The following SMC5 variants were observed in gnomAD, a reference collection of about 807,000 sequenced individuals.
SMC5 encodes structural maintenance of chromosomes 5, also known as structural maintenance of chromosomes protein 5.
A neutral mutation model predicts 148.3 loss-of-function variants in SMC5; 88 were observed. The observed-to-expected ratio is 0.59, with a 90% CI of 0.50 to 0.71. The LOEUF (loss-of-function observed/expected upper bound fraction) is 0.71, where lower values mean the gene tolerates loss of function less well. SMC5 is among the 30% of genes least tolerant of loss of function. The pLI is 0.00. For synonymous variants in SMC5, 421 were observed against 432.8 expected, an observed-to-expected ratio of 0.97 and a Z score of 0.34; for missense variants, 1,142 against 1,298.9, an observed-to-expected ratio of 0.88 and a Z score of 1.86.
intron 17 of SMC5, among the ~76,000 whole-genome samples, chr9:70,330,336 A>T (rs1313294948): frequency 6.6e-6 from 1 of 152,082 alleles, no homozygotes; most frequent in African/African-American, 2.4e-5. Context: ...ATGTCTCCAG[A>T]CATTTGCCCC....
intron 19 of SMC5, 51 bp from the exon 20 acceptor site, chr9:70,347,015 G>A (rs1192788524): frequency 7.4e-7 from 1 of 1,347,724 alleles, no homozygotes; most frequent in East Asian, 2.3e-5. Context: ...TTAACTATTT[G>A]AATGGAACTG....
intron 11 of SMC5, 128 bp downstream of exon 11, chr9:70,305,488 C>A: frequency 1.7e-6 from 1 of 585,744 alleles, no homozygotes; most frequent in South Asian, 2.3e-5. Flanking sequence ...CAAAATCACT[C>A]TGTTTTGCTA....
At position 70,294,690 on chromosome 9, in the gene SMC5, C is replaced by T. The variant is rs575186008; in HGVS notation, c.1054-3276C>T. On this transcript the variant is annotated intron_variant, in intron 8 of 24. Coordinates refer to ENST00000361138, the MANE Select transcript of SMC5 (RefSeq NM_015110.4). ...TTCAGAAGTGGTATGATTTGGGGGG[C>T]TTTATGATCTAGAACATAACCCTCC... 5.9e-5 allele frequency among the ~76,000 whole-genome samples: 9 copies of T among 152,168 alleles called. No homozygotes were observed. In the East Asian group the frequency reaches 1.5e-3, roughly 26 times the overall value.
chr9:70,297,841 G>A (rs1373470303), intron 8 of SMC5, 125 bp from the exon 9 acceptor site: 1 of 1,066,874 alleles, frequency 9.4e-7, no homozygotes, highest in East Asian at 2.4e-5. Flanking sequence ...ATTCTCACAG[G>A]ACACCTTTTA....
intron 3 of SMC5, among the ~76,000 whole-genome samples, chr9:70,270,938 T>C (rs1473333463): frequency 1.3e-5 from 2 of 152,104 alleles, no homozygotes; most frequent in Non-Finnish European, 2.9e-5. Flanking sequence ...TGAGCCACCA[T>C]ACCCGGCCTA....
intron 8 of SMC5, among the ~76,000 whole-genome samples, chr9:70,297,244 A>G (rs1461832968): frequency 1.3e-5 from 2 of 152,208 alleles, no homozygotes; most frequent in Non-Finnish European, 2.9e-5. Context: ...TTGTGTATGA[A>G]CCAAAGTTTG....
rs1440290664 is a variant in SMC5 at position 70,276,891 on chromosome 9, CAT to C, written c.381-416_381-415del. Among the ~76,000 whole-genome samples, 4 of 152,224 alleles carry C rather than the reference CAT, an allele frequency of 2.6e-5. No individual in the cohort carries two copies. The East Asian group carries it at 7.7e-4, about 29-fold the overall frequency. The stretch of plus-strand genomic sequence containing the variant: ...GAAATGCCACGAGTCAGTTTTCATT[CAT>C]ATGTTTTCTGAGCAGGGGGAGTTTC... On this transcript the variant is annotated intron_variant, in intron 3 of 24. Transcript: ENST00000361138.
At chr9:70,281,402 A>T (rs2034746387) in intron 6 of SMC5, among the ~76,000 whole-genome samples, 1 of 152,164 alleles carries the variant, frequency 6.6e-6, no homozygotes, top group African/African-American at 2.4e-5. Flanking sequence ...AATAATAATT[A>T]ACACAGTGCT....
At chr9:70,318,063 C>CT (rs1367872310) in intron 13 of SMC5, among the ~76,000 whole-genome samples, 2 of 151,922 alleles carry the variant, frequency 1.3e-5, no homozygotes, top group Non-Finnish European at 2.9e-5. Flanking sequence ...TATGGGCCGC[C>CT]TTTTTTGAAA....
chr9:70,302,893 C>T (rs900348088), intron 10 of SMC5, among the ~76,000 whole-genome samples: 1 of 152,082 alleles, frequency 6.6e-6, no homozygotes, highest in Non-Finnish European at 1.5e-5. Context: ...AGTTTATATA[C>T]TCTGGGGGCC....
At chr9:70,265,388 G>T (rs566300444) in intron 2 of SMC5, among the ~76,000 whole-genome samples, 13 of 152,292 alleles carry the variant, frequency 8.5e-5, no homozygotes, top group African/African-American at 3.1e-4. Flanking sequence ...GAATCCAGGA[G>T]GCGGAGGTTA....
chr9:70,283,521 T>C (rs2034813148), intron 7 of SMC5, among the ~76,000 whole-genome samples: 1 of 152,322 alleles, frequency 6.6e-6, no homozygotes, highest in South Asian at 2.1e-4. Flanking sequence ...GAATCTCTGA[T>C]ATAAATTGTC....
intron 7 of SMC5, 95 bp downstream of exon 7, chr9:70,282,678 CT>C (rs2034784051): frequency 8.1e-7 from 1 of 1,236,278 alleles, no homozygotes. Context: ...CAAGGGTTTT[CT>C]TGTATCTTTC....
At position 70,321,392 on chromosome 9, in the gene SMC5, G is replaced by A. The variant is rs141535812; in HGVS notation, c.2151-2091G>A. Among the ~76,000 whole-genome samples, 58 of 138,328 alleles carry A rather than the reference G, an allele frequency of 4.2e-4. No homozygotes were observed. In the East Asian group the frequency reaches 0.012, roughly 29 times the overall value. 90.7% of individuals were successfully genotyped at this position (138,328 alleles called of 152,430 possible). On this transcript the variant is annotated intron_variant, in intron 15 of 24. Transcript: ENST00000361138. Reference sequence around the variant, plus strand: ...AAATGTAAATATAATATTGTCAAATGTCTTTTTTTTTTTTTTTTGAGACGG... The same window carrying A: ...AAATGTAAATATAATATTGTCAAATATCTTTTTTTTTTTTTTTTGAGACGG...
chr9:70,347,200 C>A, intron 20 of SMC5, 39 bp downstream of exon 20: 2 of 1,519,396 alleles, frequency 1.3e-6, no homozygotes, highest in Non-Finnish European at 1.8e-6. Context: ...CATCCAACCA[C>A]CACCACCACC....
At chr9:70,334,440 G>A (rs1466819525) in intron 17 of SMC5, among the ~76,000 whole-genome samples, 1 of 151,992 alleles carries the variant, frequency 6.6e-6, no homozygotes, top group African/African-American at 2.4e-5. Context: ...TTTTGTTTTC[G>A]GTAGATGCCA....
At chr9:70,318,326 T>C (rs555844016) in intron 13 of SMC5, among the ~76,000 whole-genome samples, 188 bp from the exon 14 acceptor site, 1 of 151,874 alleles carries the variant, frequency 6.6e-6, no homozygotes, top group Admixed American at 6.6e-5. Flanking sequence ...GGGTTGAGGC[T>C]GGAGTAAGCT....
At chr9:70,277,230 C>G in intron 3 of SMC5, 80 bp from the exon 4 acceptor site, 1 of 1,060,750 alleles carries the variant, frequency 9.4e-7, no homozygotes, top group Non-Finnish European at 1.2e-6. Flanking sequence ...ACCTTTTGTG[C>G]AAGAGAATTT....
In SMC5 at chr9:70,272,026, G is replaced by A. The variant is rs927208614; in HGVS notation, c.380+4051G>A. 3.3e-5 allele frequency among the ~76,000 whole-genome samples: 5 copies of A among 152,344 alleles called. No homozygotes were observed. In the East Asian group the frequency reaches 9.6e-4, roughly 29 times the overall value. ...AAAAGTTTAACCAGATTGGGTTGCTGTATGGAAAGTAAACTTTAAGAGAGC... is the reference window on the plus strand; with the variant it reads ...AAAAGTTTAACCAGATTGGGTTGCTATATGGAAAGTAAACTTTAAGAGAGC... On this transcript the variant is annotated intron_variant, in intron 3 of 24. Coordinates refer to ENST00000361138, the MANE Select transcript of SMC5 (RefSeq NM_015110.4).
Sources: allele counts gnomAD v4.1 joint callset (sites outside exome capture counted in the v4.1 genomes callset), GRCh38; gene constraint gnomAD v4.1.1; transcripts MANE v1.5; gene names NCBI Gene and HGNC (gene_info 2026-07-23, HGNC 2026-07-21).